GRIP2: variants seen among roughly 807,000 people sequenced by gnomAD.
GRIP2 encodes the protein glutamate receptor interacting protein 2.
Under a neutral mutation model 108.3 loss-of-function variants are expected in GRIP2, and 58 were observed. The ratio of observed to expected loss-of-function variants is 0.54; its 90% CI spans 0.43 to 0.67. The LOEUF is 0.67. Ranked by LOEUF, GRIP2 falls within the 30% of genes least tolerant of loss-of-function variation. The pLI, the probability that GRIP2 is intolerant of heterozygous loss-of-function variation, is 0.00. For synonymous variants in GRIP2, 586 were observed against 598.2 expected, an observed-to-expected ratio of 0.98 and a Z score of 0.30; for missense variants, 1,278 against 1,430.6, an observed-to-expected ratio of 0.89 and a Z score of 1.72.
the GRIP2 span, among the ~76,000 whole-genome samples, chr3:14,581,032 C>T: frequency 2.6e-5 from 4 of 152,188 alleles, no homozygotes; most frequent in African/African-American, 9.7e-5. Flanking sequence ...GAGCCAATTC[C>T]TTTAAATCAA....
At chr3:14,517,644 GGCGT>G in intron 10 of GRIP2, 124 bp downstream of exon 10, 1 of 1,238,902 alleles carries the variant, frequency 8.1e-7, no homozygotes, top group East Asian at 2.6e-5. Flanking sequence ...TGGGACCACA[GGCGT>G]GCACCACCAC....
chr3:14,551,297 A>T (rs896736543), intron 1 of GRIP2, among the ~76,000 whole-genome samples: 1 of 152,204 alleles, frequency 6.6e-6, no homozygotes, highest in Non-Finnish European at 1.5e-5. Flanking sequence ...AGACAGAGAC[A>T]ATGCCCGGAC....
intron 1 of GRIP2, among the ~76,000 whole-genome samples, chr3:14,533,966 C>T (rs1020795396): frequency 6.6e-6 from 1 of 152,158 alleles, no homozygotes; most frequent in African/African-American, 2.4e-5. Context: ...GAGAGACTTC[C>T]CTAGGCATCT....
chr3:14,590,952 A>G, the GRIP2 span, among the ~76,000 whole-genome samples: 14 of 152,362 alleles, frequency 9.2e-5, no homozygotes, highest in African/African-American at 3.1e-4. Flanking sequence ...AGCCACTATC[A>G]GAGTCAAACA....
In GRIP2 at chr3:14,507,791, A is replaced by C. The variant is rs983713881; in HGVS notation, c.2079-91T>G. 2.7e-6 allele frequency: 4 copies of C among 1,472,392 alleles called. No individual in the cohort carries two copies. In the African/African-American group the frequency reaches 4.2e-5, roughly 15 times the overall value. 91.2% of individuals were successfully genotyped at this position (1,472,392 alleles called of 1,614,324 possible). A position where few individuals can be genotyped will look rare whatever the true frequency, so the allele number is the denominator to read the frequency against. Reference sequence around the variant, plus strand: ...CCTCAGGGAATCCAGGAGAGCCACAAAGCAGAAGTCTGGCTGACCCCAGTT... The same window carrying C: ...CCTCAGGGAATCCAGGAGAGCCACACAGCAGAAGTCTGGCTGACCCCAGTT... On this transcript the variant is annotated intron_variant, in intron 17 of 23. Coordinates refer to ENST00000621039, the MANE Select transcript of GRIP2 (RefSeq NM_001080423.4). This position sits in a 1 kb window ranked among gnomAD's most constrained non-coding sequence, Gnocchi z 4.6.
intron 1 of GRIP2, among the ~76,000 whole-genome samples, chr3:14,553,658 G>C (rs1695188429): frequency 6.6e-6 from 1 of 152,168 alleles, no homozygotes; most frequent in South Asian, 2.1e-4. Context: ...GCCTTACCCA[G>C]AAAAGATGAG....
Position 14,507,542 on chromosome 3 carries a change from G to C in GRIP2, c.2218+19C>G. Reference sequence around the variant, plus strand: ...CCTAAACCTGCTGGGTGGCTCCCAGGGGATGAAGCGAATCTCACGGTCTAG... The same window carrying C: ...CCTAAACCTGCTGGGTGGCTCCCAGCGGATGAAGCGAATCTCACGGTCTAG... On this transcript the variant is annotated intron_variant, in intron 18 of 23. Transcript: ENST00000621039. This position sits in a 1 kb window ranked among gnomAD's most constrained non-coding sequence, Gnocchi z 4.6. 1 of 1,609,534 alleles carries C rather than the reference G, an allele frequency of 6.2e-7. No homozygotes were observed. Among genetic ancestry groups the C allele is most frequent in the Non-Finnish European group, 8.5e-7 (1 of 1,176,056 alleles).
At chr3:14,596,506 C>G in the GRIP2 span, among the ~76,000 whole-genome samples, 1 of 152,176 alleles carries the variant, frequency 6.6e-6, no homozygotes, top group Non-Finnish European at 1.5e-5. Context: ...CCATCTCACT[C>G]CCTCACTCCA....
chr3:14,556,191 G>T (rs958398736), upstream of GRIP2: 1 of 388,854 alleles, frequency 2.6e-6, no homozygotes, highest in Admixed American at 4.5e-5. Context: ...GTGCAGTGCC[G>T]GATGTTCTAG....
upstream of GRIP2, among the ~76,000 whole-genome samples, chr3:14,560,384 A>C (rs1230079243): frequency 1.3e-5 from 2 of 151,978 alleles, no homozygotes; most frequent in East Asian, 3.9e-4. Context: ...CAGCAATGTC[A>C]CCCCCATTTC....
In GRIP2 at chr3:14,552,588, G is replaced by A. The variant is rs952657443; in HGVS notation, c.55+3312C>T. On this transcript the variant is annotated intron_variant, in intron 1 of 23. Coordinates refer to the GRIP2 transcript ENST00000637182. ...CTTCCTCCAACCCTACCTATGGTCT[G>A]TAGACCACAGCCAGAGCTTATTCTT... is the stretch of plus-strand genomic sequence containing the variant. Among the ~76,000 whole-genome samples the A allele has an allele frequency of 2.0e-5, 3 of 150,244 alleles. No individual in the cohort carries two copies. The East Asian group carries it at 5.9e-4, about 29-fold the overall frequency.
intron 1 of GRIP2, chr3:14,555,876 C>A (rs895680695): frequency 5.0e-6 from 2 of 399,018 alleles, no homozygotes; most frequent in Admixed American, 8.8e-5. Flanking sequence ...GGGCCCCTCG[C>A]CCTCCACCCA....
chr3:14,515,303 T>C (rs1261651005), intron 11 of GRIP2, among the ~76,000 whole-genome samples: 1 of 152,230 alleles, frequency 6.6e-6, no homozygotes, highest in Non-Finnish European at 1.5e-5. Context: ...TGAACATTTG[T>C]GTATAAGTTT....
intron 1 of GRIP2, among the ~76,000 whole-genome samples, chr3:14,534,982 T>C (rs1173106785): frequency 2.0e-5 from 3 of 152,096 alleles, no homozygotes; most frequent in African/African-American, 7.2e-5. Flanking sequence ...ACTGCTGCCC[T>C]GTTCTGTGAG....
At chr3:14,504,666 C>T (rs142327878) in intron 20 of GRIP2, among the ~76,000 whole-genome samples, 36 of 152,210 alleles carry the variant, frequency 2.4e-4, no homozygotes, top group African/African-American at 7.9e-4. Context: ...AGCTTAGGAA[C>T]GAGGATGTGT....
chr3:14,581,426 C>A, the GRIP2 span, among the ~76,000 whole-genome samples: 6 of 152,238 alleles, frequency 3.9e-5, no homozygotes, highest in African/African-American at 1.2e-4. Flanking sequence ...CCCTCCCCAA[C>A]CCTGTCCATG....
At position 14,507,385 on chromosome 3, in the gene GRIP2, G is replaced by A. The variant is rs139341468; in HGVS notation, c.2218+176C>T. On this transcript the variant is annotated intron_variant, in intron 18 of 23. Coordinates refer to ENST00000621039, the MANE Select transcript of GRIP2 (RefSeq NM_001080423.4). The surrounding 1 kb of genome is among the most constrained non-coding windows in gnomAD (Gnocchi z 4.6). ...ACCCAGATTCTGCCCCGTGCCCACT[G>A]TGTGGCCCTGGGCTCATCACTTCCC... is the stretch of plus-strand genomic sequence containing the variant. Among the ~76,000 whole-genome samples the A allele has an allele frequency of 2.1e-4, 32 of 152,380 alleles. No individual in the cohort carries two copies. Among genetic ancestry groups the A allele is most frequent in the African/African-American group, 7.7e-4 (32 of 41,592 alleles).
In GRIP2 at chr3:14,511,061, C is replaced by T. The variant is rs1694074680; in HGVS notation, c.1933+104G>A. ...TCCAGCCAGCCTTCAGCAGCGCCCA[C>T]CACCCTCCCTTCCTCGGCTGGAGGG... On this transcript the variant is annotated intron_variant, in intron 16 of 23. Coordinates refer to ENST00000621039, the MANE Select transcript of GRIP2 (RefSeq NM_001080423.4). The surrounding 1 kb of genome is among the most constrained non-coding windows in gnomAD (Gnocchi z 4.1). 1 of 1,384,404 alleles carries T rather than the reference C, an allele frequency of 7.2e-7. No individual in the cohort carries two copies. Among genetic ancestry groups the T allele is most frequent in the South Asian group, 1.4e-5 (1 of 72,526 alleles). The allele number at this position is 1,384,404 out of a possible 1,614,324, so 85.8% of individuals were successfully genotyped here.
chr3:14,511,118 T>C lies in GRIP2; in HGVS notation c.1933+47A>G. The C allele has an allele frequency of 1.9e-6, 3 of 1,604,326 alleles. No homozygotes were observed. In the South Asian group the frequency reaches 3.4e-5, roughly 18 times the overall value. ...GAATTGCAAGCTGGGAACCCGCTAG[T>C]CAAAGGGTGGGCCTCTGGAGGTAGG... On this transcript the variant is annotated intron_variant, in intron 16 of 23. Transcript: ENST00000621039. The surrounding 1 kb of genome is among the most constrained non-coding windows in gnomAD (Gnocchi z 4.1).
Sources: allele counts gnomAD v4.1 joint callset (sites outside exome capture counted in the v4.1 genomes callset), GRCh38; gene constraint gnomAD v4.1.1; non-coding constraint Gnocchi (gnomAD v3.1); transcripts MANE v1.5; gene names NCBI Gene and HGNC (gene_info 2026-07-23, HGNC 2026-07-21).